The following SHANK2 variants were observed in gnomAD, a reference collection of about 807,000 sequenced individuals.
SHANK2 encodes the protein SH3 and multiple ankyrin repeat domains 2, also known as SH3 and multiple ankyrin repeat domains protein 2.
In SHANK2, 43 loss-of-function variants were observed where a neutral mutation model predicts 133.7. The observed-to-expected ratio is 0.32, with a 90% CI of 0.25 to 0.41. The LOEUF is 0.41. Among genes scored for constraint, SHANK2 ranks in the 10% least tolerant of loss-of-function variants. SHANK2 has a pLI of 1.00. For synonymous variants in SHANK2, 1,017 were observed against 952.8 expected (o/e 1.07, Z -1.24); for missense variants, 1,994 against 2,235.8 (o/e 0.89, Z 2.18).
At chr11:71,212,088 G>GA (rs1328387945) in intron 2 of SHANK2, among the ~76,000 whole-genome samples, 1 of 152,200 alleles carries the variant, frequency 6.6e-6, no homozygotes, top group Non-Finnish European at 1.5e-5. Flanking sequence ...AGAGCACCAA[G>GA]AAAAGTCTGC....
intron 10 of SHANK2, among the ~76,000 whole-genome samples, chr11:70,901,137 T>C (rs1950017149): frequency 6.6e-6 from 1 of 152,150 alleles, no homozygotes; most frequent in South Asian, 2.1e-4. Context: ...CACAGAGCGA[T>C]AAGGAACGGG....
At chr11:70,727,933 GA>G (rs1304813937) in intron 14 of SHANK2, among the ~76,000 whole-genome samples, 3 of 152,250 alleles carry the variant, frequency 2.0e-5, no homozygotes, top group African/African-American at 7.2e-5. Context: ...CAAAGGAGGC[GA>G]GAGGTGTTCT....
chr11:70,524,837 G>T (rs2059375962), intron 17 of SHANK2, among the ~76,000 whole-genome samples: 2 of 152,232 alleles, frequency 1.3e-5, no homozygotes, highest in South Asian at 4.1e-4. Context: ...TCCAAGGGGG[G>T]AACATTCCGC....
chr11:70,886,535 G>A (rs1949748686), intron 11 of SHANK2, among the ~76,000 whole-genome samples: 1 of 152,158 alleles, frequency 6.6e-6, no homozygotes, highest in South Asian at 2.1e-4. Context: ...GTGTCTCATT[G>A]GAAGGAGCAC....
At chr11:70,536,774 C>T (rs4980606) in intron 17 of SHANK2, among the ~76,000 whole-genome samples, 32,375 of 152,158 alleles carry the variant, frequency 0.21, 4,275 homozygotes, top group East Asian at 0.41. Context: ...CTTCCATGCT[C>T]ACCCACAAGG....
chr11:70,656,856 A>G (rs912756038), intron 17 of SHANK2, among the ~76,000 whole-genome samples: 1 of 152,202 alleles, frequency 6.6e-6, no homozygotes, highest in Non-Finnish European at 1.5e-5. Flanking sequence ...CAGCAAAAGA[A>G]CAAACTCTTC....
At position 71,094,471 on chromosome 11, in the gene SHANK2, G is replaced by A. The variant is rs879961124; in HGVS notation, c.744+66C>T. ...CCCCTAGGATGGGCACTGCGGGGAT[G>A]GGATGGGGCAGCCGCACGGAATCAG... On this transcript the variant is annotated intron_variant, in intron 7 of 25. Coordinates refer to ENST00000601538, the MANE Select transcript of SHANK2 (RefSeq NM_012309.5). The A allele has an allele frequency of 9.9e-5, 147 of 1,478,548 alleles. 1 individual carries two copies. In the South Asian group the frequency reaches 1.8e-3, roughly 18 times the overall value. The allele number at this position is 1,478,548 out of a possible 1,614,324, so 91.6% of individuals were successfully genotyped here.
At chr11:70,773,627 C>T (rs556836428) in intron 14 of SHANK2, among the ~76,000 whole-genome samples, 7 of 152,180 alleles carry the variant, frequency 4.6e-5, no homozygotes, top group Non-Finnish European at 1.0e-4. Flanking sequence ...AAATTTGCTA[C>T]AGGACTAGAT....
intron 10 of SHANK2, chr11:70,911,154 A>G (rs1950186221): frequency 2.2e-6 from 1 of 456,592 alleles, no homozygotes; most frequent in African/African-American, 2.0e-5. Flanking sequence ...AATTCAGCTA[A>G]AAGTACATGC....
intron 11 of SHANK2, among the ~76,000 whole-genome samples, chr11:70,834,721 G>A (rs911676247): frequency 2.6e-5 from 4 of 152,188 alleles, no homozygotes; most frequent in Non-Finnish European, 5.9e-5. Context: ...GCAATAATGC[G>A]GGGTTATCTT....
At position 70,482,194 on chromosome 11, in the gene SHANK2, G is replaced by C. The variant is rs186753784; in HGVS notation, c.4979+3120C>G. Among the ~76,000 whole-genome samples the C allele has an allele frequency of 3.3e-4, 50 of 152,374 alleles. No individual in the cohort carries two copies. In the South Asian group the frequency reaches 5.0e-3, roughly 15 times the overall value. On this transcript the variant is annotated intron_variant, in intron 25 of 25. Coordinates refer to ENST00000601538, the MANE Select transcript of SHANK2 (RefSeq NM_012309.5). ...CATCCTGTTTCTAGTCCAACTCTGA[G>C]TGTAAAGTGTAACCCTTGGCCGGGA...
At chr11:71,190,948 A>AT (rs1239268151) in intron 2 of SHANK2, among the ~76,000 whole-genome samples, 9 of 150,300 alleles carry the variant, frequency 6.0e-5, no homozygotes, top group Admixed American at 2.0e-4. Flanking sequence ...CCTTTCTCCC[A>AT]TGCAATGGGA....
intron 11 of SHANK2, among the ~76,000 whole-genome samples, chr11:70,886,012 G>A (rs1949737631): frequency 6.6e-6 from 1 of 152,170 alleles, no homozygotes; most frequent in South Asian, 2.1e-4. Context: ...ATGACACCAA[G>A]CAAGACTCCA....
In SHANK2 at chr11:70,768,973, C is replaced by T. The variant is rs190695455; in HGVS notation, c.1777+29470G>A. On this transcript the variant is annotated intron_variant, in intron 14 of 25. Coordinates refer to ENST00000601538, the MANE Select transcript of SHANK2 (RefSeq NM_012309.5). ...CCCCAAAGGTGTCTGCACAGGTGGC[C>T]GAAGCTTCCCAGGCTTTGGTCTCAC... Among the ~76,000 whole-genome samples the T allele has an allele frequency of 2.2e-3, 335 of 152,182 alleles. 1 individual carries two copies. Among genetic ancestry groups the T allele is most frequent in the African/African-American group, 7.9e-3 (327 of 41,492 alleles).
chr11:70,610,949 T>C (rs557000419), intron 17 of SHANK2, among the ~76,000 whole-genome samples: 7 of 152,336 alleles, frequency 4.6e-5, no homozygotes, highest in Non-Finnish European at 7.4e-5. Context: ...TATGGAACTA[T>C]GGGGCACGGT....
chr11:70,601,723 G>T (rs1226118966), intron 17 of SHANK2, among the ~76,000 whole-genome samples: 2 of 152,224 alleles, frequency 1.3e-5, no homozygotes, highest in Non-Finnish European at 2.9e-5. Context: ...ACTGGCAGAA[G>T]ATGAGAATAA....
chr11:71,171,385 G>A (rs768889445), intron 2 of SHANK2, among the ~76,000 whole-genome samples: 3 of 152,326 alleles, frequency 2.0e-5, no homozygotes, highest in South Asian at 2.1e-4. Context: ...CAGAGCACCC[G>A]AGGGGAAGCG....
intron 15 of SHANK2, among the ~76,000 whole-genome samples, chr11:70,678,126 C>T (rs1211040914): frequency 6.6e-6 from 1 of 152,130 alleles, no homozygotes; most frequent in East Asian, 1.9e-4. Context: ...TCTCATTTTC[C>T]TTCTTGTTCT....
intron 2 of SHANK2, among the ~76,000 whole-genome samples, chr11:71,163,944 T>A (rs1953084223): frequency 6.6e-6 from 1 of 152,242 alleles, no homozygotes; most frequent in Non-Finnish European, 1.5e-5. Flanking sequence ...TATAGGAAAC[T>A]CAGCTGATAG....
Sources: allele counts gnomAD v4.1 joint callset (sites outside exome capture counted in the v4.1 genomes callset), GRCh38; gene constraint gnomAD v4.1.1; transcripts MANE v1.5; gene names NCBI Gene and HGNC (gene_info 2026-07-23, HGNC 2026-07-21).